CRACD: variants seen among roughly 807,000 people sequenced by gnomAD.
CRACD encodes the protein capping protein-inhibiting regulator of actin dynamics.
Under a neutral mutation model 106.8 loss-of-function variants are expected in CRACD, and 56 were observed. That is an observed-to-expected ratio of 0.52 (90% CI 0.42 to 0.66). The LOEUF (loss-of-function observed/expected upper bound fraction) is 0.66. Ranked by LOEUF, CRACD falls within the 30% of genes least tolerant of loss-of-function variation. The pLI is 0.00. For synonymous variants in CRACD, 754 were observed against 670.8 expected (o/e 1.12, Z -1.92); for missense variants, 1,730 against 1,623.2 (o/e 1.07, Z -1.13).
chr4:56,288,103 C>T lies in CRACD; in HGVS notation c.-16-10111C>T, dbSNP rs531208459. Among the ~76,000 whole-genome samples the T allele has an allele frequency of 5.3e-5, 8 of 152,242 alleles. No homozygotes were observed. The East Asian group carries it at 1.2e-3, about 22-fold the overall frequency. On this transcript the variant is annotated intron_variant, in intron 3 of 10. Transcript: ENST00000682029. ...GCATCAGGTACCAGGATCAGGTTTT[C>T]GAGAACTGACCTCAAAATTTCCCAT...
At chr4:56,072,635 TG>T (rs1347641953) in intron 1 of CRACD, among the ~76,000 whole-genome samples, 5 of 152,132 alleles carry the variant, frequency 3.3e-5, no homozygotes, top group Admixed American at 2.0e-4. Flanking sequence ...CTTTAAGTCC[TG>T]GGATACATGT....
At chr4:56,108,483 G>A (rs554671736) in intron 1 of CRACD, among the ~76,000 whole-genome samples, 3 of 152,304 alleles carry the variant, frequency 2.0e-5, no homozygotes. Context: ...GGGGCTTAGC[G>A]GGTGTTCTCC....
At chr4:56,196,291 C>T (rs150832881) in intron 2 of CRACD, 5 of 152,880 alleles carry the variant, frequency 3.3e-5, no homozygotes, top group Admixed American at 1.3e-4. Flanking sequence ...CTCCCCCTGC[C>T]AATTTCATAA....
intron 2 of CRACD, among the ~76,000 whole-genome samples, chr4:56,269,805 G>A (rs1301074528): frequency 1.3e-5 from 2 of 151,860 alleles, no homozygotes; most frequent in African/African-American, 4.8e-5. Flanking sequence ...ACAGCACCAG[G>A]CCATGAGGGA....
At chr4:56,227,892 T>C (rs1329277830) in intron 2 of CRACD, among the ~76,000 whole-genome samples, 2 of 152,212 alleles carry the variant, frequency 1.3e-5, no homozygotes, top group African/African-American at 4.8e-5. Flanking sequence ...TCTCTTTCTT[T>C]TTTTCTTTCC....
intron 1 of CRACD, among the ~76,000 whole-genome samples, chr4:56,113,581 A>G (rs551729285): frequency 7.9e-4 from 120 of 152,262 alleles, no homozygotes; most frequent in African/African-American, 2.8e-3. Context: ...GGGAGCTAAG[A>G]CGATTGAGCA....
chr4:56,115,586 A>G (rs1024327878), intron 1 of CRACD, among the ~76,000 whole-genome samples: 7 of 152,156 alleles, frequency 4.6e-5, no homozygotes, highest in African/African-American at 1.4e-4. Context: ...ATGTGGTCCA[A>G]TGTCACCTAA....
chr4:56,237,968 G>A (rs1043365499), intron 2 of CRACD, among the ~76,000 whole-genome samples: 1 of 151,488 alleles, frequency 6.6e-6, no homozygotes, highest in Non-Finnish European at 1.5e-5. Context: ...GTTATCTAGT[G>A]CTATATAACA....
In CRACD at chr4:56,314,410, C is replaced by CGGAGCGGAG. The variant is rs11276076; in HGVS notation, c.915_923dup (p.Arg306_Arg308dup). On this transcript the variant is annotated inframe_insertion, in exon 8 of 11. Coordinates refer to ENST00000682029, the MANE Select transcript of CRACD (RefSeq NM_001393381.1). This position sits in a 1 kb window ranked among gnomAD's most constrained non-coding sequence, Gnocchi z 4.4. ...CTGGAAGCGCCAGGTTGGGAGGACG[C>CGGAGCGGAG]GGAGCGGAGGGAGCGTGAGGAGCGC... The CGGAGCGGAG allele has an allele frequency of 6.4e-3, 9,867 of 1,541,090 alleles. 283 individuals are homozygous for CGGAGCGGAG. In the African/African-American group the frequency reaches 0.085, roughly 13 times the overall value.
chr4:56,241,988 G>T (rs141282369), intron 2 of CRACD, among the ~76,000 whole-genome samples: 193 of 152,256 alleles, frequency 1.3e-3, no homozygotes, highest in African/African-American at 4.5e-3. Context: ...AGGCCTTATA[G>T]ATTGTTAAAA....
chr4:56,060,282 A>G (rs1229669304), intron 1 of CRACD, among the ~76,000 whole-genome samples: 1 of 151,954 alleles, frequency 6.6e-6, no homozygotes, highest in Non-Finnish European at 1.5e-5. Flanking sequence ...ATGTAAAAAT[A>G]ACGAACTCAT....
chr4:56,077,110 T>G (rs144807702), intron 1 of CRACD, among the ~76,000 whole-genome samples: 60 of 152,262 alleles, frequency 3.9e-4, no homozygotes, highest in Middle Eastern at 3.4e-3. Context: ...CTGCTAGAAA[T>G]GTGCTACCCA....
At chr4:56,094,344 G>A (rs563001666) in intron 1 of CRACD, among the ~76,000 whole-genome samples, 35 of 151,462 alleles carry the variant, frequency 2.3e-4, no homozygotes, top group African/African-American at 8.2e-4. Flanking sequence ...GGAATTATAT[G>A]CACAGGAAAA....
At chr4:56,178,832 C>T (rs1736693356) in intron 1 of CRACD, among the ~76,000 whole-genome samples, 1 of 152,174 alleles carries the variant, frequency 6.6e-6, no homozygotes, top group African/African-American at 2.4e-5. Flanking sequence ...CACTCTCTTC[C>T]CACAGGAAGC....
intron 1 of CRACD, among the ~76,000 whole-genome samples, chr4:56,129,127 G>T (rs189602899): frequency 2.1e-4 from 32 of 152,294 alleles, no homozygotes; most frequent in Admixed American, 1.9e-3. Context: ...CCGGGCTGGA[G>T]TGTGGTAGCA....
intron 4 of CRACD, among the ~76,000 whole-genome samples, chr4:56,303,668 G>A (rs377316421): frequency 1.8e-4 from 27 of 152,368 alleles, no homozygotes; most frequent in African/African-American, 6.0e-4. Context: ...TGAGTTGGCT[G>A]AAGGAAGCAT....
At chr4:56,151,052 A>G (rs377630314) in intron 1 of CRACD, among the ~76,000 whole-genome samples, 3 of 152,304 alleles carry the variant, frequency 2.0e-5, no homozygotes, top group South Asian at 2.1e-4. Context: ...GCTGGACTGC[A>G]ATGACATGAT....
chr4:56,089,036 T>C (rs1246926761), intron 1 of CRACD, among the ~76,000 whole-genome samples: 1 of 152,236 alleles, frequency 6.6e-6, no homozygotes, highest in African/African-American at 2.4e-5. Flanking sequence ...AGTTTTTCTG[T>C]AGTATTGTAC....
intron 2 of CRACD, among the ~76,000 whole-genome samples, chr4:56,271,460 A>G (rs1742342367): frequency 6.6e-6 from 1 of 152,146 alleles, no homozygotes; most frequent in African/African-American, 2.4e-5. Flanking sequence ...GATAGAGGGA[A>G]TTAGGGGGCA....
Sources: gnomAD v4.1 joint callset for allele counts (sites outside exome capture counted in the v4.1 genomes callset) on GRCh38, gnomAD v4.1.1 for gene constraint, Gnocchi (gnomAD v3.1) non-coding constraint, MANE v1.5 for transcripts, NCBI Gene and HGNC (gene_info 2026-07-23, HGNC 2026-07-21) for gene names.